PRDM10: variants seen among roughly 807,000 people sequenced by gnomAD.
The protein encoded by PRDM10 is PR domain zinc finger protein 10.
A neutral mutation model predicts 133.1 loss-of-function variants in PRDM10; 65 were observed. The observed-to-expected ratio is 0.49, with a 90% CI of 0.40 to 0.60. The LOEUF is 0.60. PRDM10 is among the 20% of genes least tolerant of loss of function. The probability of loss-of-function intolerance (pLI) is 0.00; values close to 1 mark genes in which losing one functional copy is unlikely to be tolerated. For synonymous variants in PRDM10, 582 were observed against 580.4 expected, an observed-to-expected ratio of 1.00 and a Z score of -0.04; for missense variants, 1,137 against 1,507.1, an observed-to-expected ratio of 0.75 and a Z score of 4.07.
chr11:129,995,440 G>C (rs1938999907), intron 1 of PRDM10, among the ~76,000 whole-genome samples: 1 of 152,180 alleles, frequency 6.6e-6, no homozygotes, highest in African/African-American at 2.4e-5. Flanking sequence ...AAGTGTCTCA[G>C]AGAGGACAGT....
chr11:129,905,454 T>A (rs570809180), intron 20 of PRDM10, among the ~76,000 whole-genome samples, 184 bp downstream of exon 20: 45 of 151,062 alleles, frequency 3.0e-4, no homozygotes, highest in Non-Finnish European at 5.5e-4. Context: ...ATTTGCTATA[T>A]CCTAGCCTCC....
Position 129,925,248 on chromosome 11 carries a change from T to C in PRDM10, c.1531-19A>G, listed in dbSNP as rs200320501. The C allele has an allele frequency of 1.7e-5, 27 of 1,576,014 alleles. No homozygotes were observed. Among genetic ancestry groups the C allele is most frequent in the Admixed American group, 9.2e-5 (5 of 54,416 alleles). Reference sequence around the variant, plus strand: ...CTGCATTCTGAAAGACATACACAAATGTGATCATTTAGTGATGAAATTAAG... The same window carrying C: ...CTGCATTCTGAAAGACATACACAAACGTGATCATTTAGTGATGAAATTAAG... On this transcript the variant is annotated intron_variant, in intron 11 of 20. Coordinates refer to ENST00000360871, the MANE Select transcript of PRDM10 (RefSeq NM_199437.2).
In PRDM10 at chr11:129,988,790, C is replaced by T. The variant is rs1050916857; in HGVS notation, c.-119+13932G>A. On this transcript the variant is annotated intron_variant, in intron 1 of 20. Coordinates refer to ENST00000360871, the MANE Select transcript of PRDM10 (RefSeq NM_199437.2). ...AACTACAGGCGTCCGCCACCACACC[C>T]AGCTAATTTTTCGTATTTTTAACAG... is the stretch of plus-strand genomic sequence containing the variant. Among the ~76,000 whole-genome samples the T allele has an allele frequency of 3.3e-5, 5 of 152,036 alleles. No individual in the cohort carries two copies. The South Asian group carries it at 1.0e-3, about 32-fold the overall frequency.
rs113169112 is a variant in PRDM10 at position 129,910,533 on chromosome 11, T to TCTG, written c.3103_3105dup (p.Gln1035dup). 7.5e-4 allele frequency: 1,206 copies of TCTG among 1,612,500 alleles called. 3 individuals carry two copies. Among genetic ancestry groups the TCTG allele is most frequent in the African/African-American group, 6.8e-3 (506 of 74,944 alleles). ...AGGTACGTGTGCTGCACAGAGGAAT[T>TCTG]CTGCTGCTGCTGCTGCTGCTGCTGC... On this transcript the variant is annotated inframe_insertion, in exon 19 of 21. Transcript: ENST00000360871.
intron 20 of PRDM10, among the ~76,000 whole-genome samples, chr11:129,904,073 T>C (rs993033843): frequency 4.6e-5 from 7 of 150,906 alleles, no homozygotes; most frequent in Middle Eastern, 3.4e-3. Context: ...CAATTAATAG[T>C]GTTACTCTGG....
intron 1 of PRDM10, among the ~76,000 whole-genome samples, chr11:129,994,727 C>T (rs1462007038): frequency 6.6e-6 from 1 of 152,136 alleles, no homozygotes; most frequent in East Asian, 1.9e-4. Flanking sequence ...TCTCAGCTCA[C>T]TGCAATCTCC....
rs1373690759 is a variant in PRDM10 at position 129,932,084 on chromosome 11, C to T, written c.1287+18G>A. The stretch of plus-strand genomic sequence containing the variant: ...CCACACAAGCACCTAAGGAGGGCTC[C>T]TTCCCGTCCCCCCGTACCTGTGTCC... On this transcript the variant is annotated intron_variant, in intron 10 of 20. Transcript: ENST00000360871. 1 of 1,609,752 alleles carries T rather than the reference C, an allele frequency of 6.2e-7. No individual in the cohort carries two copies. Among genetic ancestry groups the T allele is most frequent in the South Asian group, 1.1e-5 (1 of 90,670 alleles).
chr11:129,993,736 G>A (rs568398262), intron 1 of PRDM10, among the ~76,000 whole-genome samples: 31 of 152,172 alleles, frequency 2.0e-4, no homozygotes, highest in African/African-American at 7.0e-4. Flanking sequence ...CACCCGCCTC[G>A]GCCTCCCAAA....
chr11:129,917,304 G>T, intron 14 of PRDM10, 67 bp from the exon 15 acceptor site: 1 of 1,205,076 alleles, frequency 8.3e-7, no homozygotes, highest in Non-Finnish European at 1.2e-6. Context: ...CTACACGAAT[G>T]CCTCTGATAA....
At chr11:129,980,868 T>C (rs866429192) in intron 1 of PRDM10, among the ~76,000 whole-genome samples, 1 of 141,078 alleles carries the variant, frequency 7.1e-6, no homozygotes, top group South Asian at 2.4e-4. Flanking sequence ...CTGGTTTTTT[T>C]TTTTTTTTTT....
At position 129,947,611 on chromosome 11, in the gene PRDM10, C is replaced by A. The variant is rs866408724; in HGVS notation, c.295-241G>T. ...CTCCCTCTGCCCCTTCTGTCCCACA[C>A]CTGGGAGGGCTGCTAAGAAGGCTCA... On this transcript the variant is annotated intron_variant, in intron 4 of 20. Transcript: ENST00000360871. The surrounding 1 kb of genome is among the most constrained non-coding windows in gnomAD (Gnocchi z 4.6). 51 of 1,339,952 alleles carry A rather than the reference C, an allele frequency of 3.8e-5. No individual in the cohort carries two copies. The highest frequency in any genetic ancestry group is 2.7e-4 in the Middle Eastern group (1 of 3,650). The allele number at this position is 1,339,952 out of a possible 1,614,324, so 83.0% of individuals were successfully genotyped here. A position where few individuals can be genotyped will look rare whatever the true frequency, so the allele number is the denominator to read the frequency against.
chr11:129,987,326 G>A (rs937685060), intron 1 of PRDM10, among the ~76,000 whole-genome samples: 1 of 152,106 alleles, frequency 6.6e-6, no homozygotes, highest in Non-Finnish European at 1.5e-5. Flanking sequence ...GCTTATTTTT[G>A]TAGTGCCTTT....
In PRDM10 at chr11:129,912,103, C is replaced by G; in HGVS notation, c.2964G>C (p.Ser988=). 1 of 1,610,320 alleles carries G rather than the reference C, an allele frequency of 6.2e-7. No individual in the cohort carries two copies. The highest frequency in any genetic ancestry group is 8.5e-7 in the Non-Finnish European group (1 of 1,178,240). ...QHIQVSEPTA[S]APSSAQVSGQ... Reference sequence around the variant, plus strand: ...AGGGTACCTGGGCGGAGGACGGGGCCGAGGCGGTAGGCTCGCTGACCTGGA... The same window carrying G: ...AGGGTACCTGGGCGGAGGACGGGGCGGAGGCGGTAGGCTCGCTGACCTGGA... Residue 988 remains serine, a synonymous_variant, in exon 18 of 21, where the codon TCG becomes TCC. Transcript: ENST00000360871.
intron 1 of PRDM10, among the ~76,000 whole-genome samples, chr11:129,973,816 T>C (rs185510473): frequency 2.6e-5 from 4 of 152,222 alleles, no homozygotes; most frequent in Admixed American, 1.3e-4. Context: ...AAGACTCTTA[T>C]GTAGATATAA....
chr11:129,905,665 A>G lies in PRDM10; in HGVS notation c.3240T>C (p.Thr1080=). Residue 1080 remains threonine, a synonymous_variant, in exon 20 of 21, where the codon ACT becomes ACC. Transcript: ENST00000360871. ...ITDSGVATPV[T]TGQVKAVTSG... ...AAGTAACCGCCTTCACCTGGCCAGT[A>G]GTAACTGGAGTTGCCACACCACTGT... 6.2e-7 allele frequency: 1 copy of G among 1,614,188 alleles called. No individual in the cohort carries two copies. The highest frequency in any genetic ancestry group is 1.1e-5 in the South Asian group (1 of 91,086).
chr11:129,936,767 G>A (rs892868434), intron 8 of PRDM10, among the ~76,000 whole-genome samples: 1 of 152,152 alleles, frequency 6.6e-6, no homozygotes. Context: ...TGGGGCTTGG[G>A]AGCTCCAGAG....
chr11:129,905,984 C>A (rs1251453094), intron 19 of PRDM10, among the ~76,000 whole-genome samples: 1 of 152,184 alleles, frequency 6.6e-6, no homozygotes, highest in Non-Finnish European at 1.5e-5. Flanking sequence ...TCAATATCCA[C>A]AAAGACAAAT....
intron 1 of PRDM10, among the ~76,000 whole-genome samples, chr11:129,991,751 G>A (rs1266168351): frequency 6.6e-6 from 1 of 151,644 alleles, no homozygotes; most frequent in East Asian, 1.9e-4. Flanking sequence ...CCTGGGAGGA[G>A]GAGGTTGCAG....
intron 10 of PRDM10, among the ~76,000 whole-genome samples, chr11:129,931,591 C>G (rs1163672251): frequency 1.4e-5 from 2 of 138,820 alleles, no homozygotes; most frequent in African/African-American, 5.3e-5. Context: ...TTTTTTGAGA[C>G]GGAGTCTCGC....
Sources: allele counts gnomAD v4.1 joint callset (sites outside exome capture counted in the v4.1 genomes callset), GRCh38; gene constraint gnomAD v4.1.1; non-coding constraint Gnocchi (gnomAD v3.1); transcripts MANE v1.5; gene names NCBI Gene and HGNC (gene_info 2026-07-23, HGNC 2026-07-21).